TCF7L1: variants seen among roughly 807,000 people sequenced by gnomAD.
TCF7L1 encodes transcription factor 7 like 1.
A neutral mutation model predicts 63.7 loss-of-function variants in TCF7L1; 18 were observed. The ratio of observed to expected loss-of-function variants is 0.28; its 90% confidence interval spans 0.20 to 0.42. The LOEUF (loss-of-function observed/expected upper bound fraction) is 0.42. Ranked by LOEUF, TCF7L1 falls within the 10% of genes least tolerant of loss-of-function variation. The pLI is 1.00. For synonymous variants in TCF7L1, 355 were observed against 340.9 expected (o/e 1.04, Z -0.46); for missense variants, 654 against 779.3 (o/e 0.84, Z 1.91).
chr2:85,189,768 G>A (rs1172706237), intron 3 of TCF7L1, among the ~76,000 whole-genome samples: 2 of 152,212 alleles, frequency 1.3e-5, no homozygotes, highest in Admixed American at 1.3e-4. Flanking sequence ...GGGCATTCAT[G>A]CGCCTCCGAG....
intron 3 of TCF7L1, among the ~76,000 whole-genome samples, chr2:85,143,327 T>C (rs1362710783): frequency 6.6e-6 from 1 of 152,194 alleles, no homozygotes; most frequent in African/African-American, 2.4e-5. Context: ...AAAATACTAA[T>C]TAATACAAGA....
At chr2:85,150,285 G>T (rs1677978170) in intron 3 of TCF7L1, among the ~76,000 whole-genome samples, 1 of 150,620 alleles carries the variant, frequency 6.6e-6, no homozygotes, top group South Asian at 2.1e-4. Flanking sequence ...CCGGGCTGGA[G>T]TGCAGTGAAG....
intron 3 of TCF7L1, among the ~76,000 whole-genome samples, chr2:85,199,517 C>G (rs1679226750): frequency 1.3e-5 from 2 of 152,160 alleles, no homozygotes; most frequent in South Asian, 4.1e-4. Flanking sequence ...ACATTAGAGT[C>G]AACTGGGGAG....
chr2:85,134,448 A>C lies in TCF7L1; in HGVS notation c.439A>C (p.Thr147Pro). The change falls in exon 3 of 12, where the codon ACC (threonine) becomes CCC (proline). Residue 147 changes from threonine to proline, a missense_variant and splice_region_variant. This residue lies in a region of TCF7L1 where 404 missense variants were observed against 454.8 expected (regional missense o/e 0.89). Transcript: ENST00000282111. This position sits in a 1 kb window ranked among gnomAD's most constrained non-coding sequence, Gnocchi z 5.0. ...ACCCCTGTCTCCCGGAGGAGCGCGC[A>C]CCGTGAGTGCCCGTCGGGCGCGCCG... Reference protein sequence around the residue: ...NGPLSPGGARTYLQMKWPLLD... With the variant: ...NGPLSPGGARPYLQMKWPLLD... The C allele has an allele frequency of 6.4e-7, 1 of 1,553,162 alleles. No homozygotes were observed. Among genetic ancestry groups the C allele is most frequent in the Non-Finnish European group, 8.7e-7 (1 of 1,148,406 alleles).
At chr2:85,177,397 A>G (rs1678700813) in intron 3 of TCF7L1, among the ~76,000 whole-genome samples, 1 of 152,242 alleles carries the variant, frequency 6.6e-6, no homozygotes, top group Admixed American at 6.5e-5. Flanking sequence ...TATAAAGTCA[A>G]CATCCACCAC....
At chr2:85,174,886 C>T (rs912674757) in intron 3 of TCF7L1, among the ~76,000 whole-genome samples, 1 of 152,220 alleles carries the variant, frequency 6.6e-6, no homozygotes, top group Admixed American at 6.5e-5. Context: ...TTTCTTCCTC[C>T]GGACCTCATA....
At position 85,275,898 on chromosome 2, in the gene TCF7L1, C is replaced by T. The variant is rs199522100; in HGVS notation, c.442-7597C>T. Among the ~76,000 whole-genome samples the T allele has an allele frequency of 2.8e-4, 35 of 124,986 alleles. No individual in the cohort carries two copies. The Admixed American group carries it at 2.9e-3, about 10-fold the overall frequency. 82.0% of individuals were successfully genotyped at this position (124,986 alleles called of 152,430 possible). ...TTGCGCCACTGCACTCCAGCCTGGA[C>T]GACAGAGTGAGACTCCATCTCAAAA... On this transcript the variant is annotated intron_variant, in intron 3 of 11. Transcript: ENST00000282111.
intron 3 of TCF7L1, among the ~76,000 whole-genome samples, chr2:85,239,524 AT>A (rs1680277131): frequency 6.6e-6 from 1 of 152,220 alleles, no homozygotes; most frequent in South Asian, 2.1e-4. Context: ...GGAGCAGTGG[AT>A]TTGGCCCAGG....
At chr2:85,205,927 T>C (rs1679398896) in intron 3 of TCF7L1, among the ~76,000 whole-genome samples, 1 of 152,264 alleles carries the variant, frequency 6.6e-6, no homozygotes, top group Non-Finnish European at 1.5e-5. Flanking sequence ...AGTTGGATCC[T>C]GGAGATGGAT....
chr2:85,255,081 G>A (rs543476132), intron 3 of TCF7L1, among the ~76,000 whole-genome samples: 4 of 152,156 alleles, frequency 2.6e-5, no homozygotes, highest in Admixed American at 6.5e-5. Context: ...CTGATGATGC[G>A]CCCAGTCTGA....
At position 85,134,143 on chromosome 2, in the gene TCF7L1, G is replaced by C. The variant is rs945236464; in HGVS notation, c.313+64G>C. 4.3e-5 allele frequency: 68 copies of C among 1,578,374 alleles called. 1 individual carries two copies. The South Asian group carries it at 5.6e-4, about 13-fold the overall frequency. On this transcript the variant is annotated intron_variant, in intron 2 of 11. Transcript: ENST00000282111. The surrounding 1 kb of genome is among the most constrained non-coding windows in gnomAD (Gnocchi z 5.0). ...CGCTGCGCTCCGCTGCTCAGCCCGG[G>C]CGGCCCACCGTCCCCCTTGCTTGGG...
chr2:85,195,731 G>A (rs1383984771), intron 3 of TCF7L1, among the ~76,000 whole-genome samples: 1 of 152,002 alleles, frequency 6.6e-6, no homozygotes, highest in Non-Finnish European at 1.5e-5. Flanking sequence ...ATTTTTTGTA[G>A]AGATGGGGTC....
At chr2:85,186,696 A>G (rs1678932819) in intron 3 of TCF7L1, 1 of 152,234 alleles carries the variant, frequency 6.6e-6, no homozygotes, top group African/African-American at 2.4e-5. Flanking sequence ...TTCTTCAACC[A>G]TGCTGCACAC....
At chr2:85,223,508 A>G (rs1050787431) in intron 3 of TCF7L1, among the ~76,000 whole-genome samples, 2 of 152,150 alleles carry the variant, frequency 1.3e-5, no homozygotes, top group Non-Finnish European at 2.9e-5. Flanking sequence ...GGTAGGGAAT[A>G]AGGCCTGATC....
intron 3 of TCF7L1, among the ~76,000 whole-genome samples, chr2:85,181,985 G>A (rs1292545831): frequency 6.6e-6 from 1 of 152,156 alleles, no homozygotes; most frequent in Non-Finnish European, 1.5e-5. Context: ...CTTATGGGGC[G>A]GGCCCTGTGG....
At chr2:85,145,161 G>T (rs1469500276) in intron 3 of TCF7L1, among the ~76,000 whole-genome samples, 1 of 152,108 alleles carries the variant, frequency 6.6e-6, no homozygotes, top group South Asian at 2.1e-4. Flanking sequence ...TTAACAAAGG[G>T]GGCTTATGAT....
chr2:85,284,013 T>C (rs1002857446), intron 4 of TCF7L1, among the ~76,000 whole-genome samples: 3 of 152,030 alleles, frequency 2.0e-5, no homozygotes, highest in South Asian at 2.1e-4. Context: ...TTTGTTTTTG[T>C]TTTTGTTTGT....
chr2:85,226,196 C>T (rs1421625834), intron 3 of TCF7L1, among the ~76,000 whole-genome samples: 1 of 152,134 alleles, frequency 6.6e-6, no homozygotes, highest in African/African-American at 2.4e-5. Flanking sequence ...TATTGAGGAT[C>T]TTCGCATCGA....
At chr2:85,140,825 C>T (rs1445703942) in intron 3 of TCF7L1, among the ~76,000 whole-genome samples, 1 of 152,090 alleles carries the variant, frequency 6.6e-6, no homozygotes, top group Non-Finnish European at 1.5e-5. Context: ...CGCACCATTG[C>T]ACTCCAACCT....
Sources: gnomAD v4.1 joint callset for allele counts (sites outside exome capture counted in the v4.1 genomes callset) on GRCh38, gnomAD v4.1.1 for gene constraint, gnomAD v4.1.1 regional missense constraint, Gnocchi (gnomAD v3.1) non-coding constraint, MANE v1.5 for transcripts, NCBI Gene and HGNC (gene_info 2026-07-23, HGNC 2026-07-21) for gene names.